Variants in FBXL17 observed in about 807,000 individuals in gnomAD.
FBXL17 encodes the protein F-box and leucine rich repeat protein 17, also known as F-box/LRR-repeat protein 17.
FBXL17 carries 22 observed loss-of-function variants against 66.2 expected under a neutral mutation model. The observed-to-expected ratio is 0.33, with a 90% CI of 0.24 to 0.47. FBXL17 has a LOEUF of 0.47. Among genes scored for constraint, FBXL17 ranks in the 20% least tolerant of loss-of-function variants. The pLI is 1.00. For synonymous variants in FBXL17, 474 were observed against 400.5 expected (o/e 1.18, Z -2.19); for missense variants, 878 against 948.2 (o/e 0.93, Z 0.97).
chr5:108,014,932 C>G (rs775813640), intron 7 of FBXL17, among the ~76,000 whole-genome samples: 1 of 152,086 alleles, frequency 6.6e-6, no homozygotes, highest in Non-Finnish European at 1.5e-5. Flanking sequence ...ATAAAACCAT[C>G]AGATCTCGTG....
intron 6 of FBXL17, among the ~76,000 whole-genome samples, 155 bp from the exon 7 acceptor site, chr5:108,021,156 C>T (rs933150051): frequency 2.0e-5 from 3 of 151,770 alleles, no homozygotes; most frequent in Admixed American, 6.6e-5. Flanking sequence ...AAGTCAAGTG[C>T]TGTCATACCT....
At chr5:108,065,901 C>G (rs1748099182) in intron 6 of FBXL17, among the ~76,000 whole-genome samples, 1 of 152,046 alleles carries the variant, frequency 6.6e-6, no homozygotes. Flanking sequence ...CCAACAGAGT[C>G]TCACATAGGA....
chr5:107,970,839 C>A (rs777540934), intron 7 of FBXL17, among the ~76,000 whole-genome samples: 18 of 152,174 alleles, frequency 1.2e-4, no homozygotes, highest in Non-Finnish European at 2.4e-4. Context: ...AAGTTCCCTG[C>A]AGGTGCTCCC....
intron 4 of FBXL17, among the ~76,000 whole-genome samples, chr5:108,304,741 C>G (rs1758758184): frequency 6.6e-6 from 1 of 151,950 alleles, no homozygotes; most frequent in Non-Finnish European, 1.5e-5. Flanking sequence ...CTCTCTCCCT[C>G]ATTTGGTATT....
intron 7 of FBXL17, among the ~76,000 whole-genome samples, chr5:107,930,796 T>C (rs184449331): frequency 9.2e-5 from 14 of 152,360 alleles, no homozygotes; most frequent in Non-Finnish European, 1.6e-4. Flanking sequence ...CATGCATATT[T>C]ATGAAGGTGA....
intron 5 of FBXL17, among the ~76,000 whole-genome samples, chr5:108,213,729 A>T (rs898704962): frequency 5.9e-5 from 9 of 152,132 alleles, no homozygotes; most frequent in Admixed American, 2.0e-4. Flanking sequence ...AGCTGTTCCT[A>T]TTCAGCCATC....
chr5:108,176,497 T>C (rs1463173616), intron 6 of FBXL17, among the ~76,000 whole-genome samples: 1 of 152,146 alleles, frequency 6.6e-6, no homozygotes, highest in Non-Finnish European at 1.5e-5. Flanking sequence ...AATTAAAAAT[T>C]ACCATTACAT....
intron 4 of FBXL17, among the ~76,000 whole-genome samples, chr5:108,259,993 TTAGTGAGAGAAA>T (rs1203237471): frequency 6.6e-6 from 1 of 150,982 alleles, no homozygotes; most frequent in East Asian, 1.9e-4. Flanking sequence ...AGAAACTAGC[TTAGTGAGAGAAA>T]TAGTTATAAG....
intron 6 of FBXL17, among the ~76,000 whole-genome samples, chr5:108,111,698 A>G (rs1477610840): frequency 2.0e-5 from 3 of 152,196 alleles, no homozygotes; most frequent in Admixed American, 6.5e-5. Context: ...AACTGTCTGT[A>G]CATGCTAGCT....
intron 4 of FBXL17, among the ~76,000 whole-genome samples, chr5:108,330,477 C>T (rs1439863133): frequency 6.6e-6 from 1 of 152,172 alleles, no homozygotes; most frequent in Non-Finnish European, 1.5e-5. Context: ...TCTCAAACTA[C>T]AACCCAAAAC....
chr5:108,381,693 T>G lies in FBXL17; in HGVS notation c.-2A>C, dbSNP rs945337081. The G allele has an allele frequency of 6.8e-7, 1 of 1,460,340 alleles. No individual in the cohort carries two copies. Among genetic ancestry groups the G allele is most frequent in the Admixed American group, 2.5e-5 (1 of 39,902 alleles). The allele number at this position is 1,460,340 out of a possible 1,614,324, so 90.5% of individuals were successfully genotyped here. On this transcript the variant is annotated 5_prime_UTR_variant, in exon 1 of 9. Transcript: ENST00000542267. ...CTCCTTCGAGAGAAGGTGGCCCATA[T>G]AGAAGGCCCCGAGGAGGGGGACCGG...
At chr5:108,228,100 T>A (rs2150081601) in intron 4 of FBXL17, among the ~76,000 whole-genome samples, 1 of 152,228 alleles carries the variant, frequency 6.6e-6, no homozygotes, top group Non-Finnish European at 1.5e-5. Flanking sequence ...CTTGGGTCTT[T>A]CTCTTTCAGC....
intron 6 of FBXL17, among the ~76,000 whole-genome samples, chr5:108,129,488 T>C (rs964096250): frequency 6.6e-6 from 1 of 152,092 alleles, no homozygotes; most frequent in Non-Finnish European, 1.5e-5. Flanking sequence ...GAATATCATT[T>C]TCCTTTAGAA....
intron 7 of FBXL17, among the ~76,000 whole-genome samples, chr5:107,925,146 A>T (rs915887757): frequency 6.6e-6 from 1 of 152,236 alleles, no homozygotes; most frequent in African/African-American, 2.4e-5. Context: ...AGTGGTGGCC[A>T]TTCTGAAATG....
chr5:108,183,417 A>C (rs895515219), intron 6 of FBXL17, among the ~76,000 whole-genome samples: 6 of 152,344 alleles, frequency 3.9e-5, no homozygotes, highest in African/African-American at 7.2e-5. Flanking sequence ...ATTTAAAACC[A>C]CAAGATAGTA....
intron 7 of FBXL17, among the ~76,000 whole-genome samples, chr5:107,979,847 C>A (rs1159807927): frequency 1.3e-5 from 2 of 151,768 alleles, no homozygotes; most frequent in African/African-American, 2.4e-5. Context: ...TATTTTCATG[C>A]CTTTAGATTT....
At chr5:108,060,116 ATAT>A (rs1747864853) in intron 6 of FBXL17, among the ~76,000 whole-genome samples, 2 of 151,276 alleles carry the variant, frequency 1.3e-5, no homozygotes, top group Non-Finnish European at 2.9e-5. Flanking sequence ...ATTTGTAGTA[ATAT>A]TATACTAAGT....
chr5:107,973,978 T>C (rs1027420503), intron 7 of FBXL17, among the ~76,000 whole-genome samples: 2 of 152,196 alleles, frequency 1.3e-5, no homozygotes, highest in African/African-American at 2.4e-5. Flanking sequence ...CATCCGTTGC[T>C]TTCCTTTAGC....
At chr5:108,255,627 A>G (rs1478338685) in intron 4 of FBXL17, among the ~76,000 whole-genome samples, 1 of 152,168 alleles carries the variant, frequency 6.6e-6, no homozygotes, top group Non-Finnish European at 1.5e-5. Context: ...AAAACTGACC[A>G]GATCCATGAC....
Sources: gnomAD v4.1 joint callset for allele counts (sites outside exome capture counted in the v4.1 genomes callset) on GRCh38, gnomAD v4.1.1 for gene constraint, MANE v1.5 for transcripts, NCBI Gene and HGNC (gene_info 2026-07-23, HGNC 2026-07-21) for gene names.